Variants in HOXD11 observed in about 807,000 individuals in gnomAD.
HOXD11 encodes homeobox D11.
In HOXD11, 16 loss-of-function variants were observed where a neutral mutation model predicts 23.1. The ratio of observed to expected loss-of-function variants is 0.69; its 90% CI spans 0.47 to 1.05. HOXD11 has a LOEUF of 1.05. Ranked by LOEUF, HOXD11 falls within the 50% of genes least tolerant of loss-of-function variation. The pLI is 0.00. For synonymous variants in HOXD11, 262 were observed against 224.4 expected (o/e 1.17, Z -1.50); for missense variants, 564 against 495.6 (o/e 1.14, Z -1.31).
At position 176,109,363 on chromosome 2, in the gene HOXD11, A is replaced by C; in HGVS notation, c.*221A>C. 1 of 524,334 alleles carries C rather than the reference A, an allele frequency of 1.9e-6. No individual in the cohort carries two copies. The highest frequency in any genetic ancestry group is 3.4e-6 in the Non-Finnish European group (1 of 294,484). 32.5% of individuals were successfully genotyped at this position (524,334 alleles called of 1,614,324 possible). A position where few individuals can be genotyped will look rare whatever the true frequency, so the allele number is the denominator to read the frequency against. ...GATCCTAATAAGGGGAAAATGGTAA[A>C]TGCAAACGTCCCGTTACAATTTTAC... On this transcript the variant is annotated 3_prime_UTR_variant, in exon 2 of 2. Transcript: ENST00000249504.
rs577549025 is a variant in HOXD11 at position 176,107,584 on chromosome 2, G to C, written c.229G>C (p.Gly77Arg). The C allele has an allele frequency of 1.4e-5, 17 of 1,246,948 alleles. No individual in the cohort carries two copies. The East Asian group carries it at 5.3e-4, about 39-fold the overall frequency. 77.2% of individuals were successfully genotyped at this position (1,246,948 alleles called of 1,614,324 possible). ...GGAGCGCGCCAAGTGGCCGTACCGC[G>C]GCGGCGGCGGCGGCGGCAGCGCGGG... ...GLERAKWPYR[G>R]GGGGGSAGGG... is the part of the protein sequence containing the mutation. Residue 77 changes from glycine to arginine, a missense_variant, in exon 1 of 2, where the codon GGC becomes CGC. Transcript: ENST00000249504.
downstream of HOXD11, among the ~76,000 whole-genome samples, chr2:176,114,743 A>C (rs1467351090): frequency 6.6e-6 from 1 of 152,230 alleles, no homozygotes; most frequent in Non-Finnish European, 1.5e-5. Context: ...CGCTTTAATG[A>C]ACCTCAGGCC....
chr2:176,108,175 C>A (rs1221059863), intron 1 of HOXD11, 39 bp downstream of exon 1: 3 of 69,702 alleles, frequency 4.3e-5, no homozygotes, highest in Non-Finnish European at 4.4e-5. Context: ...GGCCCGGGGG[C>A]CGCGGGGGAG....
chr2:176,114,194 C>A (rs926351028), downstream of HOXD11, among the ~76,000 whole-genome samples: 1 of 152,252 alleles, frequency 6.6e-6, no homozygotes. Flanking sequence ...GCACTTCATT[C>A]AGCTTTGGGC....
intron 1 of HOXD11, 167 bp from the exon 2 acceptor site, chr2:176,108,740 C>T (rs1033442069): frequency 2.2e-5 from 13 of 599,946 alleles, no homozygotes; most frequent in Admixed American, 1.8e-4. Flanking sequence ...CTCTCCTGTG[C>T]CCGCCCATAT....
downstream of HOXD11, among the ~76,000 whole-genome samples, chr2:176,110,101 C>T (rs1314333572): frequency 2.0e-5 from 3 of 152,150 alleles, no homozygotes; most frequent in Non-Finnish European, 4.4e-5. Context: ...AGGAAGTCAT[C>T]AGTAGGTGGA....
chr2:176,113,263 C>T (rs1165828489), downstream of HOXD11, among the ~76,000 whole-genome samples: 1 of 152,174 alleles, frequency 6.6e-6, no homozygotes, highest in African/African-American at 2.4e-5. Flanking sequence ...ACCCTAAGAG[C>T]CCACAGGTCC....
chr2:176,114,306 A>G (rs946074878), downstream of HOXD11, among the ~76,000 whole-genome samples: 3 of 152,208 alleles, frequency 2.0e-5, no homozygotes, highest in African/African-American at 7.2e-5. Context: ...TTAGCAACCT[A>G]GAGTCAAAAG....
chr2:176,111,266 A>C (rs1025035999), downstream of HOXD11: 3 of 151,348 alleles, frequency 2.0e-5, no homozygotes, highest in African/African-American at 7.4e-5. Context: ...ATGAGCTTAA[A>C]ACTGTTTTTT....
chr2:176,111,300 T>C (rs1399052428), downstream of HOXD11: 6 of 152,076 alleles, frequency 3.9e-5, no homozygotes. Context: ...CATCTATTTT[T>C]TAAAACTGCA....
chr2:176,107,524 C>A lies in HOXD11; in HGVS notation c.169C>A (p.Pro57Thr), dbSNP rs775387304. Residue 57 changes from proline to threonine, a missense_variant, in exon 1 of 2, where the codon CCC becomes ACC. Coordinates refer to ENST00000249504, the MANE Select transcript of HOXD11 (RefSeq NM_021192.3). ...YSSNLAPHVQPVREVAFRDYG... is the reference protein window; with the variant it reads ...YSSNLAPHVQTVREVAFRDYG... ...TTCCAACCTGGCTCCGCACGTCCAG[C>A]CCGTGCGCGAAGTGGCCTTCCGCGA... The A allele has an allele frequency of 1.1e-5, 17 of 1,613,376 alleles. 1 individual carries two copies. The South Asian group carries it at 1.9e-4, about 18-fold the overall frequency.
At chr2:176,114,074 G>A (rs1559116254), downstream of HOXD11, among the ~76,000 whole-genome samples, 1 of 152,226 alleles carries the variant, frequency 6.6e-6, no homozygotes, top group Non-Finnish European at 1.5e-5. Flanking sequence ...GGGAAAATTG[G>A]GCAAACAAGT....
chr2:176,107,666 C>G lies in HOXD11; in HGVS notation c.311C>G (p.Ala104Gly). Residue 104 changes from alanine to glycine, a missense_variant, in exon 1 of 2, where the codon GCT becomes GGT. Transcript: ENST00000249504. ...GGCGGCGGCGGCGCGGGGGGCTACG[C>G]TCCCTACTACGCGGCGGCGGCGGCG... is the stretch of plus-strand genomic sequence containing the variant. Reference protein sequence around the residue: ...GGGGGGAGGYAPYYAAAAAAA... With the variant: ...GGGGGGAGGYGPYYAAAAAAA... 1 of 980,244 alleles carries G rather than the reference C, an allele frequency of 1.0e-6. No individual in the cohort carries two copies. The highest frequency in any genetic ancestry group is 1.2e-6 in the Non-Finnish European group (1 of 826,882). The allele number at this position is 980,244 out of a possible 1,614,324, so 60.7% of individuals were successfully genotyped here.
downstream of HOXD11, among the ~76,000 whole-genome samples, chr2:176,111,844 A>C (rs939571455): frequency 6.7e-6 from 1 of 149,220 alleles, no homozygotes; most frequent in African/African-American, 2.5e-5. Flanking sequence ...AAAAAAAAAA[A>C]AAAAACCTTC....
intron 1 of HOXD11, 121 bp downstream of exon 1, chr2:176,108,257 A>G (rs1419638063): frequency 3.1e-6 from 2 of 646,860 alleles, no homozygotes; most frequent in African/African-American, 3.9e-5. Context: ...GAAGAGGTTT[A>G]TACATCCTAT....
chr2:176,111,826 C>CCAAAAAAAAAAAAAAAAAAAAA (rs1689676380), downstream of HOXD11, among the ~76,000 whole-genome samples: 1 of 22,740 alleles, frequency 4.4e-5, no homozygotes, highest in African/African-American at 1.9e-4. Flanking sequence ...CTCCCCCCCG[C>CCAAAAAAAAAAAAAAAAAAAAA]AAAAAAAAAA....
In HOXD11 at chr2:176,107,379, C is replaced by T; in HGVS notation, c.24C>T (p.Gly8=). Reference sequence around the variant, plus strand: ...TCATGAACGACTTTGACGAGTGCGGCCAGAGCGCAGCCAGCATGTACCTGC... The same window carrying T: ...TCATGAACGACTTTGACGAGTGCGGTCAGAGCGCAGCCAGCATGTACCTGC... The part of the protein sequence containing the change: MNDFDEC[G]QSAASMYLPG... The change falls in exon 1 of 2, where the codon GGC becomes GGT. Residue 8 remains glycine, a synonymous_variant. Coordinates refer to ENST00000249504, the MANE Select transcript of HOXD11 (RefSeq NM_021192.3). 1 of 1,610,822 alleles carries T rather than the reference C, an allele frequency of 6.2e-7. No individual in the cohort carries two copies. The highest frequency in any genetic ancestry group is 8.5e-7 in the Non-Finnish European group (1 of 1,178,838).
Position 176,109,559 on chromosome 2 carries a change from G to T in HOXD11, c.*417G>T. 4.0e-6 allele frequency: 1 copy of T among 250,880 alleles called. No individual in the cohort carries two copies. Among genetic ancestry groups the T allele is most frequent in the Non-Finnish European group, 7.8e-6 (1 of 128,840 alleles). 15.5% of individuals were successfully genotyped at this position (250,880 alleles called of 1,614,324 possible). Reference sequence around the variant, plus strand: ...GGTGAATGCAGGTTATTTAAACTTTGGGAAATGTACTTTTAGTCTGTCATA... The same window carrying T: ...GGTGAATGCAGGTTATTTAAACTTTTGGAAATGTACTTTTAGTCTGTCATA... On this transcript the variant is annotated 3_prime_UTR_variant, in exon 2 of 2. Coordinates refer to ENST00000249504, the MANE Select transcript of HOXD11 (RefSeq NM_021192.3).
chr2:176,108,005 C>A lies in HOXD11; in HGVS notation c.650C>A (p.Ala217Asp). The A allele has an allele frequency of 6.7e-7, 1 of 1,485,462 alleles. No homozygotes were observed. The highest frequency in any genetic ancestry group is 8.9e-7 in the Non-Finnish European group (1 of 1,123,442). 92.0% of individuals were successfully genotyped at this position (1,485,462 alleles called of 1,614,324 possible). ...GACAAGGGCGACCCCAGGACCGGGG[C>A]TGGTGGCGGCGGGGGCAGTCCCTGC... ...AADKGDPRTG[A>D]GGGGGSPCTK... Residue 217 changes from alanine to aspartate, a missense_variant, in exon 1 of 2, where the codon GCT (alanine) becomes GAT (aspartate). By Grantham distance (126) the Ala-to-Asp change is moderately radical. Coordinates refer to ENST00000249504, the MANE Select transcript of HOXD11 (RefSeq NM_021192.3).
Sources: gnomAD v4.1 joint callset for allele counts (sites outside exome capture counted in the v4.1 genomes callset) on GRCh38, gnomAD v4.1.1 for gene constraint, MANE v1.5 for transcripts, NCBI Gene and HGNC (gene_info 2026-07-23, HGNC 2026-07-21) for gene names.